APOB: variants seen among roughly 807,000 people sequenced by gnomAD.
APOB encodes the protein apolipoprotein B, also known as apolipoprotein B-100.
Under a neutral mutation model 314.1 loss-of-function variants are expected in APOB, and 153 were observed. That is an observed-to-expected ratio of 0.49 (90% CI 0.43 to 0.56). The LOEUF (loss-of-function observed/expected upper bound fraction) is 0.56, where lower values mean the gene tolerates loss of function less well. APOB is among the 20% of genes least tolerant of loss of function. APOB has a pLI of 0.00. For synonymous variants in APOB, 2,087 were observed against 2,036.4 expected (o/e 1.02, Z -0.67); for missense variants, 5,430 against 5,350.7 (o/e 1.01, Z -0.46).
intron 6 of APOB, among the ~76,000 whole-genome samples, chr2:21,036,730 T>G (rs908290415): frequency 6.6e-6 from 1 of 152,128 alleles, no homozygotes; most frequent in Non-Finnish European, 1.5e-5. Context: ...CAAGGAGTCC[T>G]TGTGCAGAAA....
rs913419318 is a variant in APOB at position 21,032,513 on chromosome 2, A to G, written c.1193T>C (p.Leu398Pro). The change falls in exon 10 of 29, where the codon CTG becomes CCG. Residue 398 changes from leucine to proline, a missense_variant. This residue lies in a region of APOB where 2,085 missense variants were observed against 2,079.7 expected (regional missense o/e 1.00). Transcript: ENST00000233242. The stretch of plus-strand genomic sequence containing the variant: ...AAGGGGGTTGGCATGCACACGTTTC[A>G]GCCACTGGAGGATGTGAGTGGAGCA... ...PQCSTHILQW[L>P]KRVHANPLLI... The G allele has an allele frequency of 1.2e-6, 2 of 1,614,204 alleles. No homozygotes were observed.
Position 21,014,560 on chromosome 2 carries a change from T to G in APOB, c.3730A>C (p.Ser1244Arg). ...TGCAAAGTCTGGGTATAAGGAAGAC[T>G]CCCAGATGCCTTCTGAAGCCATGAG... is the stretch of plus-strand genomic sequence containing the variant. ...MSSWLQKASG[S>R]LPYTQTLQDH... Residue 1244 changes from serine to arginine, a missense_variant, in exon 24 of 29, where the codon AGT (serine) becomes CGT (arginine). Transcript: ENST00000233242. 2 of 1,614,056 alleles carry G rather than the reference T, an allele frequency of 1.2e-6. No individual in the cohort carries two copies. Among genetic ancestry groups the G allele is most frequent in the Non-Finnish European group, 1.7e-6 (2 of 1,179,972 alleles).
In APOB at chr2:21,005,839, G is replaced by A; in HGVS notation, c.11029C>T (p.Leu3677=). The change falls in exon 26 of 29, where the codon CTA becomes TTA. Residue 3677 remains leucine (L), a synonymous_variant. Transcript: ENST00000233242. Reference sequence around the variant, plus strand: ...CATAAGCTCTTGTCATAGACTGGTAGGATGATATTTTTGAGGAACCTTAGG... The same window carrying A: ...CATAAGCTCTTGTCATAGACTGGTAAGATGATATTTTTGAGGAACCTTAGG... ...GHLRFLKNII[L]PVYDKSLWDF... 6.2e-7 allele frequency: 1 copy of A among 1,614,018 alleles called. No homozygotes were observed. Among genetic ancestry groups the A allele is most frequent in the Non-Finnish European group, 8.5e-7 (1 of 1,179,948 alleles).
chr2:21,020,393 C>T (rs1663578299), intron 18 of APOB, among the ~76,000 whole-genome samples: 1 of 152,336 alleles, frequency 6.6e-6, no homozygotes, highest in South Asian at 2.1e-4. Flanking sequence ...TCATCTTCCT[C>T]ACCATCAAGA....
Position 21,036,961 on chromosome 2 carries a change from C to T in APOB, c.693+139G>A, listed in dbSNP as rs1011519109. ...CTGGGCAGACCTTCCCGTGCCTGCT[C>T]AGGGTCCTATCTCTAGTCTGTATAA... On this transcript the variant is annotated intron_variant, in intron 6 of 28. Transcript: ENST00000233242. 4 of 1,096,180 alleles carry T rather than the reference C, an allele frequency of 3.6e-6. No homozygotes were observed. In the African/African-American group the frequency reaches 6.2e-5, roughly 17 times the overall value. The allele number at this position is 1,096,180 out of a possible 1,614,324, so 67.9% of individuals were successfully genotyped here.
Position 21,034,593 on chromosome 2 carries a change from C to A in APOB, c.904+223G>T, listed in dbSNP as rs556659035. 1.7e-4 allele frequency among the ~76,000 whole-genome samples: 26 copies of A among 152,316 alleles called. 1 individual carries two copies. In the South Asian group the frequency reaches 4.6e-3, roughly 27 times the overall value. On this transcript the variant is annotated intron_variant, in intron 8 of 28. Coordinates refer to ENST00000233242, the MANE Select transcript of APOB (RefSeq NM_000384.3). ...ATGTTAAACTTAGGATTCCAGTTTT[C>A]TATTTACAAATGCCTAAGTAGCTTT...
At chr2:21,023,731 T>C in intron 16 of APOB, 39 bp from the exon 17 acceptor site, 1 of 1,553,762 alleles carries the variant, frequency 6.4e-7, no homozygotes, top group Non-Finnish European at 8.7e-7. Flanking sequence ...AAAGTAAGTC[T>C]TTTTAAAGTC....
chr2:21,030,501 A>G (rs1572797451), intron 10 of APOB, among the ~76,000 whole-genome samples: 1 of 152,222 alleles, frequency 6.6e-6, no homozygotes, highest in African/African-American at 2.4e-5. Context: ...TAAAAATGCA[A>G]GAAGAAAACC....
intron 20 of APOB, among the ~76,000 whole-genome samples, 170 bp from the exon 21 acceptor site, chr2:21,016,819 C>T (rs1361029066): frequency 2.0e-5 from 3 of 151,834 alleles, no homozygotes; most frequent in Non-Finnish European, 2.9e-5. Context: ...CCCGTCTCTA[C>T]TAAAAATACA....
Position 21,023,675 on chromosome 2 carries a change from C to G in APOB, c.2454G>C (p.Arg818Ser). Residue 818 changes from arginine (R) to serine (S), a missense_variant, in exon 17 of 29, where the codon AGG (arginine) becomes AGC (serine). This residue lies in a region of APOB where 2,085 missense variants were observed against 2,079.7 expected (regional missense o/e 1.00). Transcript: ENST00000233242. ...GIPQMIGEVI[R>S]KGSKNDFFLH... ...GAAAAAAGTCATTCTTTGAGCCCTTCCTGATGACCTCTCCAATCTGTAGAC... is the reference window on the plus strand; with the variant it reads ...GAAAAAAGTCATTCTTTGAGCCCTTGCTGATGACCTCTCCAATCTGTAGAC... 13 of 1,611,378 alleles carry G rather than the reference C, an allele frequency of 8.1e-6. No homozygotes were observed. The highest frequency in any genetic ancestry group is 1.1e-5 in the South Asian group (1 of 90,972).
Position 21,023,693 on chromosome 2 carries a change from C to T in APOB, c.2437-1G>A. 1 of 1,604,758 alleles carries T rather than the reference C, an allele frequency of 6.2e-7. No individual in the cohort carries two copies. Among genetic ancestry groups the T allele is most frequent in the South Asian group, 1.1e-5 (1 of 90,126 alleles). On this transcript the variant is annotated splice_acceptor_variant, in intron 16 of 28. Coordinates refer to ENST00000233242, the MANE Select transcript of APOB (RefSeq NM_000384.3). LOFTEE classifies it high-confidence loss of function. ...AGCCCTTCCTGATGACCTCTCCAAT[C>T]TGTAGACCCAACAAGGGAGAGCAAA...
chr2:21,034,435 T>C (rs1258409107), intron 8 of APOB, among the ~76,000 whole-genome samples: 2 of 152,240 alleles, frequency 1.3e-5, no homozygotes, highest in South Asian at 2.1e-4. Context: ...GAGTTCCTTC[T>C]ACCTCTAAAG....
chr2:21,024,971 G>T lies in APOB; in HGVS notation c.2398C>A (p.Leu800Met), dbSNP rs183950016. The part of the protein sequence containing the change: ...HDLQLLGKLL[L>M]MGARTLQGIP... Reference sequence around the variant, plus strand: ...CCCTGCAGAGTGCGGGCACCCATCAGAAGCAGCTTTCCCAGGAGCTGGAGG... The same window carrying T: ...CCCTGCAGAGTGCGGGCACCCATCATAAGCAGCTTTCCCAGGAGCTGGAGG... The change falls in exon 16 of 29, where the codon CTG becomes ATG. Residue 800 changes from leucine (L) to methionine (M), a missense_variant. This residue lies in a region of APOB where 2,085 missense variants were observed against 2,079.7 expected (regional missense o/e 1.00). Coordinates refer to ENST00000233242, the MANE Select transcript of APOB (RefSeq NM_000384.3). 6.7e-5 allele frequency: 108 copies of T among 1,614,178 alleles called. No homozygotes were observed. In the East Asian group the frequency reaches 2.4e-3, roughly 35 times the overall value.
rs1359575737 is a variant in APOB at position 21,002,728 on chromosome 2, A to T, written c.12694T>A (p.Tyr4232Asn). 1.9e-6 allele frequency: 3 copies of T among 1,613,316 alleles called. No homozygotes were observed. Among genetic ancestry groups the T allele is most frequent in the Non-Finnish European group, 2.5e-6 (3 of 1,179,626 alleles). Residue 4232 changes from tyrosine to asparagine, a missense_variant, in exon 29 of 29, where the codon TAT becomes AAT. Tyr to Asn is a moderately radical substitution (Grantham distance 143). This residue lies in a region of APOB where 3,281 missense variants were observed against 3,171.0 expected (regional missense o/e 1.03). Transcript: ENST00000233242. ...REVGTVLSQV[Y>N]SKVHNGSEIL... The stretch of plus-strand genomic sequence containing the variant: ...TCTGAACCATTATGGACTTTCGAAT[A>T]TACCTGGGACAGTACCGTCCCTACC...
At chr2:21,026,759 C>T (rs1407671345) in intron 15 of APOB, 29 bp downstream of exon 15, 1 of 1,590,354 alleles carries the variant, frequency 6.3e-7, no homozygotes. Flanking sequence ...CCAAAGCTTT[C>T]CTTAAGAAGA....
rs1442130848 is a variant in APOB at position 21,009,834 on chromosome 2, A to G, written c.7034T>C (p.Ile2345Thr). ...NAFRAKVHEL[I>T]ERYEVDQQIQ... ...TTGTTGGTCTACTTCATACCTCTCG[A>G]TTAACTCATGGACTTTGGCTCTGAA... is the stretch of plus-strand genomic sequence containing the variant. The change falls in exon 26 of 29, where the codon ATC (isoleucine) becomes ACC (threonine). Residue 2345 changes from isoleucine to threonine, a missense_variant. By Grantham distance (89) the Ile-to-Thr change is moderately conservative (BLOSUM62 -1). This residue lies in a region of APOB where 3,281 missense variants were observed against 3,171.0 expected (regional missense o/e 1.03). Transcript: ENST00000233242. The G allele has an allele frequency of 1.9e-6, 3 of 1,613,944 alleles. No individual in the cohort carries two copies. In the African/African-American group the frequency reaches 4.0e-5, roughly 22 times the overall value.
chr2:21,042,409 T>C lies in APOB; in HGVS notation c.189A>G (p.Gly63=). 1.2e-6 allele frequency: 2 copies of C among 1,614,106 alleles called. No homozygotes were observed. The highest frequency in any genetic ancestry group is 1.7e-6 in the Non-Finnish European group (2 of 1,180,026). Residue 63 remains glycine (G), a synonymous_variant, in exon 3 of 29, where the codon GGA becomes GGG. Coordinates refer to ENST00000233242, the MANE Select transcript of APOB (RefSeq NM_000384.3). ...TTCTTGAATCAGCAGTCCCAGGGAC[T>C]CCACTGGAACTCTCAGCCTCATAGT... is the stretch of plus-strand genomic sequence containing the variant. The part of the protein sequence containing the change: ...TYNYEAESSS[G]VPGTADSRSA...
chr2:21,029,170 C>T (rs1350974356), intron 12 of APOB, among the ~76,000 whole-genome samples: 1 of 152,200 alleles, frequency 6.6e-6, no homozygotes, highest in African/African-American at 2.4e-5. Context: ...ACAGTAGAGG[C>T]CAGGTGCAGT....
intron 10 of APOB, among the ~76,000 whole-genome samples, chr2:21,030,345 C>A (rs1274901820): frequency 1.3e-5 from 2 of 152,076 alleles, no homozygotes; most frequent in Non-Finnish European, 2.9e-5. Flanking sequence ...AAAACATACA[C>A]TAGGGAAAGG....
Sources: gnomAD v4.1 joint callset for allele counts (sites outside exome capture counted in the v4.1 genomes callset) on GRCh38, gnomAD v4.1.1 for gene constraint, gnomAD v4.1.1 regional missense constraint, MANE v1.5 for transcripts, NCBI Gene and HGNC (gene_info 2026-07-23, HGNC 2026-07-21) for gene names.